CCDC102B: variants seen among roughly 807,000 people sequenced by gnomAD.
CCDC102B encodes coiled-coil domain containing 102B.
CCDC102B carries 75 observed loss-of-function variants against 57.4 expected under a neutral mutation model. The observed-to-expected ratio is 1.31, with a 90% CI of 1.08 to 1.58. The LOEUF (loss-of-function observed/expected upper bound fraction) is 1.58, where lower values mean the gene tolerates loss of function less well. Ranked by LOEUF, CCDC102B falls within the 40% of genes most tolerant of loss-of-function variation. The probability of loss-of-function intolerance (pLI) is 0.00; values close to 1 mark genes in which losing one functional copy is unlikely to be tolerated. For missense variants in CCDC102B, 636 were observed against 582.6 expected (o/e 1.09, Z -0.94); for synonymous variants, 206 against 201.9 (o/e 1.02, Z -0.17).
chr18:68,737,326 A>C (rs948027719), intron 2 of CCDC102B, among the ~76,000 whole-genome samples: 1 of 152,030 alleles, frequency 6.6e-6, no homozygotes, highest in Admixed American at 6.6e-5. Context: ...TGAGAAAACT[A>C]TGAGGAAGGC....
chr18:68,911,898 A>T (rs2040888838), intron 6 of CCDC102B, among the ~76,000 whole-genome samples: 2 of 46,432 alleles, frequency 4.3e-5, no homozygotes, highest in South Asian at 1.5e-3. Context: ...ACAAAAAAGT[A>T]AAAAAAAAGT....
intron 7 of CCDC102B, among the ~76,000 whole-genome samples, chr18:69,014,440 C>T (rs1031491169): frequency 1.3e-4 from 20 of 152,210 alleles, no homozygotes; most frequent in African/African-American, 4.8e-4. Context: ...AGAACCCAGG[C>T]CAAATACAGG....
At chr18:68,965,103 T>C (rs1455827323) in intron 6 of CCDC102B, among the ~76,000 whole-genome samples, 1 of 152,024 alleles carries the variant, frequency 6.6e-6, no homozygotes, top group African/African-American at 2.4e-5. Context: ...TGCTCACCTT[T>C]TTAATTCTAT....
intron 2 of CCDC102B, among the ~76,000 whole-genome samples, chr18:68,837,867 T>G (rs755756665): frequency 1.3e-5 from 2 of 152,208 alleles, no homozygotes; most frequent in Non-Finnish European, 2.9e-5. Context: ...CACATCTTAT[T>G]TTATTGCTTG....
At chr18:68,982,372 T>C (rs1340581433) in intron 6 of CCDC102B, among the ~76,000 whole-genome samples, 1 of 152,016 alleles carries the variant, frequency 6.6e-6, no homozygotes, top group Non-Finnish European at 1.5e-5. Context: ...CACTCTACCC[T>C]TAACTATCCT....
intron 6 of CCDC102B, among the ~76,000 whole-genome samples, chr18:69,006,392 GATTTATTTATTTATTTATTT>G (rs71931343): frequency 0.028 from 4,011 of 141,924 alleles, 95 homozygotes; most frequent in Non-Finnish European, 0.044. Flanking sequence ...ATAGCTTTGA[GATTTATTTATTTATTTATTT>G]ATTTATTTAT....
chr18:68,784,743 T>G (rs2035131581), intron 2 of CCDC102B, among the ~76,000 whole-genome samples: 1 of 152,154 alleles, frequency 6.6e-6, no homozygotes, highest in African/African-American at 2.4e-5. Context: ...AGCAACATGT[T>G]AGGATCAAGA....
chr18:69,038,579 A>C (rs1230071010), intron 7 of CCDC102B, among the ~76,000 whole-genome samples: 1 of 152,002 alleles, frequency 6.6e-6, no homozygotes, highest in African/African-American at 2.4e-5. Context: ...AAAAATGTAA[A>C]GCACCCATAA....
At chr18:69,023,932 AT>A (rs201983014) in intron 7 of CCDC102B, among the ~76,000 whole-genome samples, 14 of 151,960 alleles carry the variant, frequency 9.2e-5, no homozygotes, top group Admixed American at 2.6e-4. Flanking sequence ...ACATTCAGTG[AT>A]TTTTTTTCTG....
At chr18:68,800,469 T>TA (rs1459564890) in intron 1 of CCDC102B, among the ~76,000 whole-genome samples, 4 of 152,162 alleles carry the variant, frequency 2.6e-5, no homozygotes, top group African/African-American at 7.2e-5. Context: ...AAATAAGGGG[T>TA]AATTTTTACA....
intron 7 of CCDC102B, among the ~76,000 whole-genome samples, chr18:69,047,009 T>C (rs967050906): frequency 6.6e-6 from 1 of 152,196 alleles, no homozygotes. Context: ...CCTTGTAGTA[T>C]AGTTTGAAGT....
At chr18:68,884,969 A>G (rs2039830100) in intron 5 of CCDC102B, among the ~76,000 whole-genome samples, 2 of 151,948 alleles carry the variant, frequency 1.3e-5, no homozygotes, top group African/African-American at 4.8e-5. Context: ...TATATACATT[A>G]TAACATCATG....
At chr18:68,866,572 G>T in intron 4 of CCDC102B, 1 of 226,274 alleles carries the variant, frequency 4.4e-6, no homozygotes, top group Non-Finnish European at 9.0e-6. Flanking sequence ...GCCCAATTTA[G>T]CCCTCTGCTC....
In CCDC102B at chr18:68,834,432, C is replaced by CATATATATATATATATAT. The variant is rs67872866; in HGVS notation, c.-15-2312_-15-2295dup. ...ATATATGTAGTTGTATATGTAAATA[C>CATATATATATATATATAT]ATATATATATATATATATATATTTG... On this transcript the variant is annotated intron_variant, in intron 1 of 7. Transcript: ENST00000360242. Among the ~76,000 whole-genome samples, 454 of 137,626 alleles carry CATATATATATATATATAT rather than the reference C, an allele frequency of 3.3e-3. 1 individual carries two copies. The highest frequency in any genetic ancestry group is 7.3e-3 in the African/African-American group (271 of 36,976). 90.3% of individuals were successfully genotyped at this position (137,626 alleles called of 152,430 possible).
chr18:68,889,114 G>A (rs1325979246), intron 5 of CCDC102B, among the ~76,000 whole-genome samples: 1 of 149,396 alleles, frequency 6.7e-6, no homozygotes, highest in Admixed American at 6.7e-5. Context: ...AATGAATATT[G>A]TCTAGTATGG....
At chr18:68,950,729 C>G (rs1394076594) in intron 6 of CCDC102B, among the ~76,000 whole-genome samples, 1 of 152,076 alleles carries the variant, frequency 6.6e-6, no homozygotes, top group Non-Finnish European at 1.5e-5. Flanking sequence ...TAACTCCCAA[C>G]TTTCAGCCTG....
At chr18:68,897,542 C>A in intron 6 of CCDC102B, 114 bp downstream of exon 6, 1 of 1,549,508 alleles carries the variant, frequency 6.5e-7, no homozygotes, top group Non-Finnish European at 8.8e-7. Context: ...TTTGTGCCAG[C>A]TAATACCTGA....
chr18:68,954,124 TAAA>T (rs1689745657), intron 6 of CCDC102B, among the ~76,000 whole-genome samples: 1 of 152,008 alleles, frequency 6.6e-6, no homozygotes, highest in South Asian at 2.1e-4. Context: ...TATCCTGTGT[TAAA>T]GAAGAAAGTG....
chr18:68,830,732 T>C (rs1343588057), intron 1 of CCDC102B, among the ~76,000 whole-genome samples: 1 of 151,402 alleles, frequency 6.6e-6, no homozygotes, highest in African/African-American at 2.4e-5. Flanking sequence ...TGTACACTGG[T>C]GAGAAATTTC....
Sources: gnomAD v4.1 joint callset for allele counts (sites outside exome capture counted in the v4.1 genomes callset) on GRCh38, gnomAD v4.1.1 for gene constraint, MANE v1.5 for transcripts, NCBI Gene and HGNC (gene_info 2026-07-23, HGNC 2026-07-21) for gene names.